The following XKR7 variants were observed in gnomAD, a reference collection of about 807,000 sequenced individuals.
XKR7 encodes the protein XK-related protein 7.
In XKR7, 11 loss-of-function variants were observed where a neutral mutation model predicts 42.2. That is an observed-to-expected ratio of 0.26 (90% CI 0.16 to 0.43). The LOEUF is 0.43. XKR7 is among the 20% of genes least tolerant of loss of function. The pLI is 1.00. For synonymous variants in XKR7, 346 were observed against 366.4 expected (o/e 0.94, Z 0.64); for missense variants, 710 against 802.2 (o/e 0.89, Z 1.39).
Position 32,000,448 on chromosome 20 carries a change from G to A in XKR7, c.*2991G>A, listed in dbSNP as rs2064619203. The A allele has an allele frequency of 6.6e-6, 1 of 152,440 alleles. No homozygotes were observed. The highest frequency in any genetic ancestry group is 2.1e-4 in the South Asian group (1 of 4,816). The allele number at this position is 152,440 out of a possible 1,614,324, so 9.4% of individuals were successfully genotyped here. ...TCCTTGCAGCCCAGAGGGTCCCTGA[G>A]GGTTCCTTAAGCCACCTGCCCTCCA... On this transcript the variant is annotated 3_prime_UTR_variant, in exon 3 of 3. Coordinates refer to ENST00000562532, the MANE Select transcript of XKR7 (RefSeq NM_001011718.2).
chr20:31,980,665 A>G (rs186958117), intron 1 of XKR7, among the ~76,000 whole-genome samples: 1 of 152,224 alleles, frequency 6.6e-6, no homozygotes, highest in Non-Finnish European at 1.5e-5. Context: ...CCCTCCTGCA[A>G]TCTGTTCCCC....
chr20:31,991,145 T>C (rs2122275641), intron 1 of XKR7, among the ~76,000 whole-genome samples: 1 of 152,338 alleles, frequency 6.6e-6, no homozygotes, highest in Middle Eastern at 3.4e-3. Context: ...TGATGGATGC[T>C]GGCCAGGGGC....
At position 31,968,511 on chromosome 20, in the gene XKR7, C is replaced by T. The variant is rs1463481740; in HGVS notation, c.336C>T (p.Phe112=). ...TGCAGTTACTGAGCTTCCGCTGGTT[C>T]GTCTACGACTACTCGGAGCCCGCAG... ...LVVQLLSFRW[F]VYDYSEPAGS... is the part of the protein sequence containing the mutation. The change falls in exon 1 of 3, where the codon TTC becomes TTT. Residue 112 remains phenylalanine, a synonymous_variant. Transcript: ENST00000562532. The surrounding 1 kb of genome is among the most constrained non-coding windows in gnomAD (Gnocchi z 4.5). 1.2e-6 allele frequency: 2 copies of T among 1,612,344 alleles called. No individual in the cohort carries two copies. The highest frequency in any genetic ancestry group is 1.7e-6 in the Non-Finnish European group (2 of 1,179,312).
At position 31,995,407 on chromosome 20, in the gene XKR7, G is replaced by C; in HGVS notation, c.787+137G>C. The C allele has an allele frequency of 7.0e-7, 1 of 1,419,364 alleles. No individual in the cohort carries two copies. The highest frequency in any genetic ancestry group is 2.6e-5 in the Admixed American group (1 of 38,290). 87.9% of individuals were successfully genotyped at this position (1,419,364 alleles called of 1,614,324 possible). ...ACTCAGTCAGGGTTTAGGGAGGCCTGCCCCTTCTACCCTCACCACCCTCCA... is the reference window on the plus strand; with the variant it reads ...ACTCAGTCAGGGTTTAGGGAGGCCTCCCCCTTCTACCCTCACCACCCTCCA... On this transcript the variant is annotated intron_variant, in intron 2 of 2. Coordinates refer to ENST00000562532, the MANE Select transcript of XKR7 (RefSeq NM_001011718.2). The surrounding 1 kb of genome is among the most constrained non-coding windows in gnomAD (Gnocchi z 4.1).
chr20:31,973,213 C>T (rs538173959), intron 1 of XKR7, among the ~76,000 whole-genome samples: 3 of 152,278 alleles, frequency 2.0e-5, no homozygotes, highest in East Asian at 1.9e-4. Flanking sequence ...GCTTTGTTCA[C>T]GGAGCACATG....
chr20:31,983,574 G>A (rs1328930507), intron 1 of XKR7, among the ~76,000 whole-genome samples: 6 of 152,166 alleles, frequency 3.9e-5, no homozygotes, highest in Non-Finnish European at 7.3e-5. Flanking sequence ...AGAGAGGGAG[G>A]GTGGTGGGAG....
chr20:31,969,135 T>C lies in XKR7; in HGVS notation c.584+376T>C, dbSNP rs575543876. On this transcript the variant is annotated intron_variant, in intron 1 of 2. Coordinates refer to ENST00000562532, the MANE Select transcript of XKR7 (RefSeq NM_001011718.2). ...CATAACCCACTCCTCTCTGCCTGAG[T>C]GCCAAGCCTGGGCTCAGGAAAGATC... Among the ~76,000 whole-genome samples, 8 of 152,288 alleles carry C rather than the reference T, an allele frequency of 5.3e-5. No individual in the cohort carries two copies. In the East Asian group the frequency reaches 1.5e-3, roughly 29 times the overall value.
At chr20:31,970,964 A>G (rs2064462695) in intron 1 of XKR7, 1 of 152,208 alleles carries the variant, frequency 6.6e-6, no homozygotes, top group South Asian at 2.1e-4. Context: ...CCAAGGTCAC[A>G]CAGCTAGGAA....
Position 32,000,864 on chromosome 20 carries a change from T to C in XKR7, c.*3407T>C. On this transcript the variant is annotated 3_prime_UTR_variant, in exon 3 of 3. Transcript: ENST00000562532. ...AGCTGAACAGCACAGACCTCCCCACTCCCCCACACAGGGCTCCCCAATGAG... is the reference window on the plus strand; with the variant it reads ...AGCTGAACAGCACAGACCTCCCCACCCCCCCACACAGGGCTCCCCAATGAG... The C allele has an allele frequency of 6.6e-6, 1 of 152,012 alleles. No homozygotes were observed. Among genetic ancestry groups the C allele is most frequent in the Non-Finnish European group, 1.5e-5 (1 of 68,050 alleles). The allele number at this position is 152,012 out of a possible 1,614,324, so 9.4% of individuals were successfully genotyped here.
rs2064608817 is a variant in XKR7, at chr20:31,998,678, A to AT, written c.*1223dup. ...TCCATAGCCATCTTTCTAAAAGGAA[A>AT]TTGTCCTCAGAACCCCTGAGACATT... On this transcript the variant is annotated 3_prime_UTR_variant, in exon 3 of 3. Transcript: ENST00000562532. 6.6e-6 allele frequency: 1 copy of AT among 152,044 alleles called. No individual in the cohort carries two copies. Among genetic ancestry groups the AT allele is most frequent in the Non-Finnish European group, 1.5e-5 (1 of 68,008 alleles). 9.4% of individuals were successfully genotyped at this position (152,044 alleles called of 1,614,324 possible). A position where few individuals can be genotyped will look rare whatever the true frequency, so the allele number is the denominator to read the frequency against.
chr20:31,968,537 G>A lies in XKR7; in HGVS notation c.362G>A (p.Gly121Glu), dbSNP rs920686009. 1.2e-6 allele frequency: 2 copies of A among 1,608,244 alleles called. No homozygotes were observed. The highest frequency in any genetic ancestry group is 1.7e-4 in the Middle Eastern group (1 of 6,040). ...WFVYDYSEPA[G>E]SPGPAVSTKD... ...GTCTACGACTACTCGGAGCCCGCAG[G>A]GTCCCCGGGACCCGCCGTCAGCACC... is the stretch of plus-strand genomic sequence containing the variant. Residue 121 changes from glycine (G) to glutamate (E), a missense_variant, in exon 1 of 3, where the codon GGG becomes GAG. By Grantham distance (98) the Gly-to-Glu change is moderately conservative (BLOSUM62 -2). Transcript: ENST00000562532. The surrounding 1 kb of genome is among the most constrained non-coding windows in gnomAD (Gnocchi z 4.5).
chr20:31,991,754 TTCAGCTGATTC>T (rs1473925642), intron 1 of XKR7, among the ~76,000 whole-genome samples: 1 of 152,228 alleles, frequency 6.6e-6, no homozygotes, highest in African/African-American at 2.4e-5. Context: ...GAGCCTTTGC[TTCAGCTGATTC>T]TCCCACCTGG....
At chr20:31,983,733 G>A (rs1229388808) in intron 1 of XKR7, among the ~76,000 whole-genome samples, 1 of 152,132 alleles carries the variant, frequency 6.6e-6, no homozygotes, top group African/African-American at 2.4e-5. Flanking sequence ...GATCACCTGA[G>A]GTCAGGAGTT....
At chr20:31,980,837 G>A (rs746260637) in intron 1 of XKR7, among the ~76,000 whole-genome samples, 11 of 152,226 alleles carry the variant, frequency 7.2e-5, no homozygotes, top group Non-Finnish European at 1.3e-4. Flanking sequence ...CAAGGCAGGA[G>A]AATTGCCTGA....
Position 32,002,531 on chromosome 20 carries a change from A to C in XKR7, c.*5074A>C, listed in dbSNP as rs866485660. 4 of 152,236 alleles carry C rather than the reference A, an allele frequency of 2.6e-5. No individual in the cohort carries two copies. The South Asian group carries it at 8.3e-4, about 32-fold the overall frequency. 9.4% of individuals were successfully genotyped at this position (152,236 alleles called of 1,614,324 possible). On this transcript the variant is annotated 3_prime_UTR_variant, in exon 3 of 3. Transcript: ENST00000562532. ...TCATATAAACATAGCCCCCAGCCCC[A>C]CTGGCTTTCCGAACCCATCATGAAA...
rs2064443124 is a variant in XKR7 at position 31,968,199 on chromosome 20, G to A, written c.24G>A (p.Ala8=). The change falls in exon 1 of 3, where the codon GCG becomes GCA. Residue 8 remains alanine, a synonymous_variant. Coordinates refer to ENST00000562532, the MANE Select transcript of XKR7 (RefSeq NM_001011718.2). The surrounding 1 kb of genome is among the most constrained non-coding windows in gnomAD (Gnocchi z 4.5). MAAKSDG[A]AASASPDPEG... ...ACATGGCCGCGAAGTCGGATGGAGC[G>A]GCGGCCTCGGCCAGCCCGGACCCGG... is the stretch of plus-strand genomic sequence containing the variant. 2 of 1,170,818 alleles carry A rather than the reference G, an allele frequency of 1.7e-6. No homozygotes were observed. Among genetic ancestry groups the A allele is most frequent in the Non-Finnish European group, 1.1e-6 (1 of 948,236 alleles). The allele number at this position is 1,170,818 out of a possible 1,614,324, so 72.5% of individuals were successfully genotyped here.
At chr20:31,985,315 C>A (rs918820323) in intron 1 of XKR7, among the ~76,000 whole-genome samples, 3 of 152,030 alleles carry the variant, frequency 2.0e-5, no homozygotes, top group African/African-American at 7.3e-5. Flanking sequence ...GTGTGTTTGG[C>A]CCAGAACTGT....
At position 31,991,751 on chromosome 20, in the gene XKR7, T is replaced by G. The variant is rs1219362037; in HGVS notation, c.585-3317T>G. On this transcript the variant is annotated intron_variant, in intron 1 of 2. Coordinates refer to ENST00000562532, the MANE Select transcript of XKR7 (RefSeq NM_001011718.2). ...AAATTCTTTCAGGCCTCTGAGCCTT[T>G]GCTTCAGCTGATTCTCCCACCTGGA... 7.2e-5 allele frequency among the ~76,000 whole-genome samples: 11 copies of G among 152,356 alleles called. No homozygotes were observed. In the East Asian group the frequency reaches 2.1e-3, roughly 29 times the overall value.
Position 31,995,130 on chromosome 20 carries a change from A to C in XKR7, c.647A>C (p.His216Pro). The change falls in exon 2 of 3, where the codon CAC (histidine) becomes CCC (proline). Residue 216 changes from histidine (H) to proline (P), a missense_variant. His to Pro is a moderately conservative substitution (Grantham distance 77). Transcript: ENST00000562532. This position sits in a 1 kb window ranked among gnomAD's most constrained non-coding sequence, Gnocchi z 4.1. ...TGGCGCGGGGAGCGGCTGCGGCGCCACTTCTACTGGCAGATGCTGTTCGAG... is the reference window on the plus strand; with the variant it reads ...TGGCGCGGGGAGCGGCTGCGGCGCCCCTTCTACTGGCAGATGCTGTTCGAG... ...SRWRGERLRRHFYWQMLFESA... is the reference protein window; with the variant it reads ...SRWRGERLRRPFYWQMLFESA... The C allele has an allele frequency of 6.4e-6, 10 of 1,558,580 alleles. No individual in the cohort carries two copies. The highest frequency in any genetic ancestry group is 8.7e-6 in the Non-Finnish European group (10 of 1,151,980).
Sources: gnomAD v4.1 joint callset for allele counts (sites outside exome capture counted in the v4.1 genomes callset) on GRCh38, gnomAD v4.1.1 for gene constraint, Gnocchi (gnomAD v3.1) non-coding constraint, MANE v1.5 for transcripts, NCBI Gene and HGNC (gene_info 2026-07-23, HGNC 2026-07-21) for gene names.